The following PLCG2 variants were observed in gnomAD, a reference collection of about 807,000 sequenced individuals.
PLCG2 encodes phospholipase C gamma 2.
Under a neutral mutation model 175.6 loss-of-function variants are expected in PLCG2, and 69 were observed. That is an observed-to-expected ratio of 0.39 (90% CI 0.32 to 0.48). PLCG2 has a LOEUF of 0.48. PLCG2 is among the 20% of genes least tolerant of loss of function. The pLI is 0.91. For missense variants in PLCG2, 1,798 were observed against 1,650.9 expected (o/e 1.09, Z -1.54); for synonymous variants, 827 against 624.0 (o/e 1.33, Z -4.85).
At chr16:81,851,778 G>T (rs959396241) in intron 2 of PLCG2, among the ~76,000 whole-genome samples, 1 of 152,098 alleles carries the variant, frequency 6.6e-6, no homozygotes, top group Non-Finnish European at 1.5e-5. Context: ...CTCCCAAAGT[G>T]CTGGGATTAC....
chr16:81,905,545 G>C lies in PLCG2; in HGVS notation c.1467+38G>C, dbSNP rs4435248. On this transcript the variant is annotated intron_variant, in intron 15 of 32. Transcript: ENST00000564138. The stretch of plus-strand genomic sequence containing the variant: ...CCCTTCCCGTAGCCACTGCGGCCAC[G>C]CCCCTTGCAGCTGCTTCTTGGAGCC... 1,099,379 of 1,361,236 alleles carry C rather than the reference G, an allele frequency of 0.81. 446,693 individuals carry two copies. The highest frequency in any genetic ancestry group is 0.97 in the East Asian group (42,241 of 43,600). 84.3% of individuals were successfully genotyped at this position (1,361,236 alleles called of 1,614,324 possible).
chr16:81,876,447 G>T (rs1286287836), intron 7 of PLCG2, among the ~76,000 whole-genome samples: 1 of 152,126 alleles, frequency 6.6e-6, no homozygotes, highest in Non-Finnish European at 1.5e-5. Context: ...TCAGCCACGT[G>T]GGAAAACTCC....
intron 2 of PLCG2, among the ~76,000 whole-genome samples, chr16:81,826,931 C>T (rs538471238): frequency 1.3e-5 from 2 of 152,314 alleles, no homozygotes; most frequent in South Asian, 4.2e-4. Context: ...TCCGCAGAAC[C>T]AGCCTCCTGC....
At chr16:81,746,147 C>A (rs1471246043) in intron 1 of PLCG2, among the ~76,000 whole-genome samples, 2 of 152,168 alleles carry the variant, frequency 1.3e-5, no homozygotes, top group African/African-American at 4.8e-5. Flanking sequence ...ACAGGACCAG[C>A]CCATGGGTGC....
intron 1 of PLCG2, among the ~76,000 whole-genome samples, chr16:81,746,892 G>C (rs958021689): frequency 1.3e-5 from 2 of 152,078 alleles, no homozygotes; most frequent in Non-Finnish European, 2.9e-5. Context: ...AGGAGAGCAC[G>C]GGGGACTTTG....
At chr16:81,884,695 T>G (rs576911857) in intron 9 of PLCG2, among the ~76,000 whole-genome samples, 2 of 147,138 alleles carry the variant, frequency 1.4e-5, no homozygotes, top group Non-Finnish European at 3.0e-5. Context: ...TACTTTTTTC[T>G]TTTACTTCAT....
chr16:81,763,610 A>G (rs145820757), intron 2 of PLCG2, among the ~76,000 whole-genome samples: 14 of 152,340 alleles, frequency 9.2e-5, no homozygotes, highest in African/African-American at 3.1e-4. Context: ...TGTGTGCCTC[A>G]AGCCAGGCAG....
intron 2 of PLCG2, chr16:81,767,359 C>T (rs1179972321): frequency 6.6e-6 from 1 of 151,720 alleles, no homozygotes; most frequent in African/African-American, 2.4e-5. Flanking sequence ...TGGCCAGGCT[C>T]TTCTCAAACT....
intron 3 of PLCG2, among the ~76,000 whole-genome samples, chr16:81,856,775 T>C (rs935465045): frequency 2.0e-5 from 3 of 152,166 alleles, no homozygotes; most frequent in African/African-American, 7.2e-5. Context: ...AAAAGGAGAC[T>C]TGGCGGGTGT....
intron 30 of PLCG2, among the ~76,000 whole-genome samples, chr16:81,942,922 T>TA (rs199846750): frequency 6.6e-5 from 10 of 151,112 alleles, no homozygotes; most frequent in African/African-American, 1.5e-4. Context: ...ACAATTATTT[T>TA]TTTTTTTTTT....
intron 2 of PLCG2, among the ~76,000 whole-genome samples, chr16:81,828,445 A>C (rs1905133157): frequency 6.6e-6 from 1 of 151,812 alleles, no homozygotes; most frequent in Non-Finnish European, 1.5e-5. Context: ...TCACCATGTT[A>C]GCCAGGATGG....
intron 7 of PLCG2, among the ~76,000 whole-genome samples, chr16:81,878,980 T>A (rs150156555): frequency 1.3e-5 from 2 of 151,886 alleles, no homozygotes; most frequent in African/African-American, 4.8e-5. Flanking sequence ...GGGCAGGGAG[T>A]TGCAAGACCT....
At chr16:81,778,065 C>CCAA (rs1555505501), upstream of PLCG2, among the ~76,000 whole-genome samples, 2 of 32,276 alleles carry the variant, frequency 6.2e-5, 1 homozygote, top group African/African-American at 2.9e-4. Context: ...CAAAAAAAAC[C>CCAA]AAAAACACAC....
At chr16:81,939,057 T>C (rs1240172461) in intron 29 of PLCG2, 142 bp downstream of exon 29, 5 of 625,748 alleles carry the variant, frequency 8.0e-6, no homozygotes, top group African/African-American at 3.7e-5. Flanking sequence ...ATGGTTCAGC[T>C]TGAGGAGGGG....
Position 81,867,142 on chromosome 16 carries a change from G to T in PLCG2, c.480-2072G>T, listed in dbSNP as rs549143152. 2.6e-5 allele frequency among the ~76,000 whole-genome samples: 4 copies of T among 152,354 alleles called. No homozygotes were observed. In the South Asian group the frequency reaches 6.2e-4, roughly 24 times the overall value. On this transcript the variant is annotated intron_variant, in intron 5 of 32. Coordinates refer to ENST00000564138, the MANE Select transcript of PLCG2 (RefSeq NM_002661.5). The stretch of plus-strand genomic sequence containing the variant: ...AGGCTGGAGGTGGGGACACAGGATG[G>T]CCAGAGTCACACTGGACCGTCTCCA...
At chr16:81,858,189 A>G (rs770927634) in intron 3 of PLCG2, 74 bp from the exon 4 acceptor site, 27 of 1,048,114 alleles carry the variant, frequency 2.6e-5, no homozygotes, top group Non-Finnish European at 3.5e-5. Flanking sequence ...CGTGATCTGT[A>G]TGGGGCAGGG....
intron 2 of PLCG2, among the ~76,000 whole-genome samples, chr16:81,788,056 T>C (rs1911062365): frequency 6.6e-6 from 1 of 152,176 alleles, no homozygotes; most frequent in African/African-American, 2.4e-5. Flanking sequence ...TGTGGATGTC[T>C]GTTTTTATTT....
At chr16:81,903,508 G>T (rs554514527) in intron 14 of PLCG2, among the ~76,000 whole-genome samples, 20 of 152,360 alleles carry the variant, frequency 1.3e-4, no homozygotes, top group African/African-American at 4.3e-4. Context: ...TAGTCTTGCA[G>T]ATGAGAAGTG....
At chr16:81,889,417 C>G in intron 10 of PLCG2, 144 bp downstream of exon 10, 2 of 526,430 alleles carry the variant, frequency 3.8e-6, no homozygotes, top group Non-Finnish European at 7.0e-6. Context: ...GGGATTGTTT[C>G]TTTTCTTTTC....
Sources: allele counts gnomAD v4.1 joint callset (sites outside exome capture counted in the v4.1 genomes callset), GRCh38; gene constraint gnomAD v4.1.1; transcripts MANE v1.5; gene names NCBI Gene and HGNC (gene_info 2026-07-23, HGNC 2026-07-21).